Variants in PNKD observed in about 807,000 individuals in gnomAD.
PNKD encodes PNKD metallo-beta-lactamase domain containing, also known as probable thioesterase PNKD.
In PNKD, 36 loss-of-function variants were observed where a neutral mutation model predicts 45.3. The ratio of observed to expected loss-of-function variants is 0.80; its 90% CI spans 0.61 to 1.05. The LOEUF is 1.05. PNKD is among the 50% of genes least tolerant of loss of function. The probability of loss-of-function intolerance (pLI) is 0.00; values close to 1 mark genes in which losing one functional copy is unlikely to be tolerated. For synonymous variants in PNKD, 197 were observed against 210.1 expected (o/e 0.94, Z 0.54); for missense variants, 511 against 506.6 (o/e 1.01, Z -0.08).
intron 2 of PNKD, chr2:218,277,312 G>T: frequency 6.5e-7 from 1 of 1,533,720 alleles, no homozygotes; most frequent in Non-Finnish European, 9.0e-7. Flanking sequence ...CGGGGTCCGG[G>T]CCTGATAAGA....
intron 2 of PNKD, chr2:218,334,788 G>T (rs186613433): frequency 5.7e-6 from 4 of 701,248 alleles, no homozygotes; most frequent in African/African-American, 5.2e-5. Context: ...CTGGCTTAAG[G>T]TGGAGTTAGC....
chr2:218,278,219 G>A (rs866283004), intron 2 of PNKD: 1 of 605,746 alleles, frequency 1.7e-6, no homozygotes, highest in Non-Finnish European at 2.9e-6. Context: ...TAAACTGACT[G>A]CCTGTGTGAT....
At chr2:218,299,556 C>A (rs1402294755) in intron 2 of PNKD, among the ~76,000 whole-genome samples, 2 of 152,110 alleles carry the variant, frequency 1.3e-5, no homozygotes, top group Non-Finnish European at 2.9e-5. Context: ...GCCATCCTCC[C>A]ACCTCAGCCT....
intron 2 of PNKD, chr2:218,282,061 C>A: frequency 6.3e-7 from 1 of 1,598,444 alleles, no homozygotes; most frequent in Non-Finnish European, 8.5e-7. Flanking sequence ...CAGATGGCTG[C>A]CCATAGCCCC....
Position 218,340,652 on chromosome 2 carries a change from C to A in PNKD, c.466-76C>A. On this transcript the variant is annotated intron_variant, in intron 4 of 9. Transcript: ENST00000273077. The surrounding 1 kb of genome is among the most constrained non-coding windows in gnomAD (Gnocchi z 4.2). ...CTCTCCTCTCCTCTCCACCAGCGCC[C>A]ACACTCCTGGCTCTTGCTGCTTCAA... The A allele has an allele frequency of 9.4e-7, 1 of 1,058,970 alleles. No individual in the cohort carries two copies. The highest frequency in any genetic ancestry group is 1.5e-6 in the Non-Finnish European group (1 of 673,988). The allele number at this position is 1,058,970 out of a possible 1,614,324, so 65.6% of individuals were successfully genotyped here.
chr2:218,327,381 C>T (rs1694184049), intron 2 of PNKD, among the ~76,000 whole-genome samples: 1 of 152,166 alleles, frequency 6.6e-6, no homozygotes, highest in Non-Finnish European at 1.5e-5. Flanking sequence ...CCCAGCCCCC[C>T]GAATGAGGCC....
intron 2 of PNKD, chr2:218,272,496 G>C: frequency 7.1e-7 from 1 of 1,404,942 alleles, no homozygotes; most frequent in South Asian, 1.2e-5. Context: ...GATGAAGCTA[G>C]AATGACTCCC....
chr2:218,309,101 G>GA (rs997674044), intron 2 of PNKD, among the ~76,000 whole-genome samples: 11 of 151,872 alleles, frequency 7.2e-5, no homozygotes, highest in Non-Finnish European at 7.4e-5. Context: ...AATAAAATAA[G>GA]AGATCCTCCC....
Position 218,339,838 on chromosome 2 carries a change from C to T in PNKD, c.292C>T (p.Arg98Cys), listed in dbSNP as rs1362020055. Residue 98 changes from arginine to cysteine, a missense_variant, in exon 3 of 10, where the codon CGC (arginine) becomes TGC (cysteine). By Grantham distance (180) the Arg-to-Cys change is radical. Transcript: ENST00000273077. ...GTACCTCTTCTACCGACAGCAGCTG[C>T]GCAGGGCTCGGAATCGCTACCCTAA... ...LGYLFYRQQL[R>C]RARNRYPKGH... 3.7e-6 allele frequency: 6 copies of T among 1,613,508 alleles called. No individual in the cohort carries two copies. Among genetic ancestry groups the T allele is most frequent in the Middle Eastern group, 1.6e-4 (1 of 6,082 alleles).
intron 2 of PNKD, among the ~76,000 whole-genome samples, chr2:218,338,904 T>C (rs1694584132): frequency 6.6e-6 from 1 of 151,032 alleles, no homozygotes; most frequent in Non-Finnish European, 1.5e-5. Context: ...GCAATCCTCC[T>C]GCCTCAGCTA....
intron 2 of PNKD, chr2:218,275,532 G>A (rs1387383025): frequency 1.2e-6 from 2 of 1,614,072 alleles, no homozygotes; most frequent in South Asian, 1.1e-5. Flanking sequence ...TGATGTCTGT[G>A]TAAATCTGCA....
In PNKD at chr2:218,340,236, C is replaced by T. The variant is rs976399682; in HGVS notation, c.465+95C>T. ...GAGGGCTGACCCTTGTCCGTCTGCCCGTGGGATGTGTCCCATATGCTCCAT... is the reference window on the plus strand; with the variant it reads ...GAGGGCTGACCCTTGTCCGTCTGCCTGTGGGATGTGTCCCATATGCTCCAT... On this transcript the variant is annotated intron_variant, in intron 4 of 9. Transcript: ENST00000273077. The surrounding 1 kb of genome is among the most constrained non-coding windows in gnomAD (Gnocchi z 4.2). 1.0e-5 allele frequency: 8 copies of T among 784,856 alleles called. No homozygotes were observed. The highest frequency in any genetic ancestry group is 3.6e-5 in the Admixed American group (2 of 55,946). The allele number at this position is 784,856 out of a possible 1,614,324, so 48.6% of individuals were successfully genotyped here.
intron 2 of PNKD, chr2:218,280,480 G>A: frequency 3.3e-6 from 1 of 304,580 alleles, no homozygotes; most frequent in South Asian, 3.0e-5. Context: ...CAGGGGATGG[G>A]GACAGAGGGT....
At chr2:218,280,805 CTT>C (rs950294415) in intron 2 of PNKD, 18 of 104,038 alleles carry the variant, frequency 1.7e-4, no homozygotes, top group African/African-American at 4.5e-4. Context: ...ACCTCATTTC[CTT>C]TTTTTTTTTT....
In PNKD at chr2:218,340,053, T is replaced by G. The variant is rs777146291; in HGVS notation, c.377T>G (p.Val126Gly). The change falls in exon 4 of 10, where the codon GTC becomes GGC. Residue 126 changes from valine to glycine, a missense_variant. Physicochemically the swap from Val to Gly is moderately radical, Grantham distance 109 (BLOSUM62 -3). Transcript: ENST00000273077. This position sits in a 1 kb window ranked among gnomAD's most constrained non-coding sequence, Gnocchi z 4.2. ...GGAGTGAAGGTGCTTCCCATCCCTG[T>G]CCTCTCGGACAACTACAGCTACCTC... ...FNGVKVLPIP[V>G]LSDNYSYLII... 6.2e-7 allele frequency: 1 copy of G among 1,613,406 alleles called. No individual in the cohort carries two copies. Among genetic ancestry groups the G allele is most frequent in the South Asian group, 1.1e-5 (1 of 91,058 alleles).
At chr2:218,320,109 C>T (rs907807234) in intron 2 of PNKD, among the ~76,000 whole-genome samples, 4 of 152,168 alleles carry the variant, frequency 2.6e-5, no homozygotes, top group East Asian at 1.9e-4. Context: ...TTGTGGGATA[C>T]GGTTAGGAGT....
chr2:218,325,186 A>G (rs866785597), intron 2 of PNKD, among the ~76,000 whole-genome samples: 7 of 104,348 alleles, frequency 6.7e-5, no homozygotes, highest in Admixed American at 2.1e-4. Context: ...GGCATGAGCC[A>G]CCGCACCCGG....
intron 2 of PNKD, chr2:218,317,768 T>C (rs4672885): frequency 0.96 from 145,488 of 152,280 alleles, 69,799 homozygotes; most frequent in East Asian, 1. Context: ...GGACAGGAGT[T>C]CATGAGAAAA....
rs201822753 is a variant in PNKD, at chr2:218,308,378, G to A, written c.237-31405G>A. On this transcript the variant is annotated intron_variant, in intron 2 of 9. Transcript: ENST00000273077. ...TAATTTTTGTATTTTTAGTAGAGACGGGGTTTCACCATATTGGCCAGGCTG... is the reference window on the plus strand; with the variant it reads ...TAATTTTTGTATTTTTAGTAGAGACAGGGTTTCACCATATTGGCCAGGCTG... Among the ~76,000 whole-genome samples, 8 of 151,750 alleles carry A rather than the reference G, an allele frequency of 5.3e-5. No homozygotes were observed. In the East Asian group the frequency reaches 1.4e-3, roughly 26 times the overall value.
Sources: allele counts gnomAD v4.1 joint callset (sites outside exome capture counted in the v4.1 genomes callset), GRCh38; gene constraint gnomAD v4.1.1; non-coding constraint Gnocchi (gnomAD v3.1); transcripts MANE v1.5; gene names NCBI Gene and HGNC (gene_info 2026-07-23, HGNC 2026-07-21).